The following HECW1 variants were observed in gnomAD, a reference collection of about 807,000 sequenced individuals.
The protein encoded by HECW1 is HECT, C2 and WW domain containing E3 ubiquitin protein ligase 1.
HECW1 carries 61 observed loss-of-function variants against 182.3 expected under a neutral mutation model. The ratio of observed to expected loss-of-function variants is 0.33; its 90% CI spans 0.27 to 0.41. HECW1 has a LOEUF of 0.41. Ranked by LOEUF, HECW1 falls within the 10% of genes least tolerant of loss-of-function variation. The probability of loss-of-function intolerance (pLI) is 1.00; values close to 1 mark genes in which losing one functional copy is unlikely to be tolerated. For missense variants in HECW1, 1,739 were observed against 2,108.9 expected, an observed-to-expected ratio of 0.82 and a Z score of 3.44; for synonymous variants, 859 against 832.6, an observed-to-expected ratio of 1.03 and a Z score of -0.55.
chr7:43,532,570 C>T (rs2081034888), intron 24 of HECW1, among the ~76,000 whole-genome samples: 1 of 152,160 alleles, frequency 6.6e-6, no homozygotes, highest in African/African-American at 2.4e-5. Flanking sequence ...GGAGTCCACC[C>T]CCACTGGCCT....
intron 16 of HECW1, among the ~76,000 whole-genome samples, 175 bp downstream of exon 16, chr7:43,469,280 C>A (rs1415769483): frequency 6.6e-6 from 1 of 152,186 alleles, no homozygotes. Flanking sequence ...AACCTCAGCA[C>A]TACTCTGAGG....
chr7:43,294,528 C>T (rs1267040330), intron 3 of HECW1, among the ~76,000 whole-genome samples: 1 of 152,222 alleles, frequency 6.6e-6, no homozygotes, highest in Non-Finnish European at 1.5e-5. Flanking sequence ...TCACTGGATG[C>T]AGTCAGAAAA....
At chr7:43,495,769 T>C (rs931370990) in intron 19 of HECW1, among the ~76,000 whole-genome samples, 25 of 152,230 alleles carry the variant, frequency 1.6e-4, no homozygotes, top group Non-Finnish European at 2.2e-4. Context: ...GGGTCATTCA[T>C]TCATGGGCTG....
intron 2 of HECW1, among the ~76,000 whole-genome samples, chr7:43,242,428 G>A (rs112940975): frequency 4.6e-4 from 70 of 152,290 alleles, no homozygotes; most frequent in African/African-American, 1.6e-3. Flanking sequence ...GAGGACTGGA[G>A]AAAGAAAGCT....
intron 12 of HECW1, among the ~76,000 whole-genome samples, chr7:43,453,112 G>T (rs2077288164): frequency 6.6e-6 from 1 of 152,204 alleles, no homozygotes; most frequent in Admixed American, 6.5e-5. Context: ...TTTCAGCAGA[G>T]AAGTGACATT....
intron 24 of HECW1, among the ~76,000 whole-genome samples, chr7:43,518,613 A>G (rs910287637): frequency 1.3e-5 from 2 of 152,242 alleles, no homozygotes. Flanking sequence ...ACTCAAGAAA[A>G]TCAGAGGTTG....
chr7:43,259,497 A>G (rs542770419), intron 3 of HECW1, among the ~76,000 whole-genome samples: 1 of 152,218 alleles, frequency 6.6e-6, no homozygotes, highest in Non-Finnish European at 1.5e-5. Context: ...GCAGGCCCAC[A>G]GATGGATCAG....
chr7:43,140,049 T>C (rs1182164464), intron 2 of HECW1, among the ~76,000 whole-genome samples: 1 of 152,258 alleles, frequency 6.6e-6, no homozygotes, highest in Non-Finnish European at 1.5e-5. Context: ...TGAATATTAT[T>C]ACATTTTAAG....
chr7:43,541,568 C>T (rs2152953672), intron 25 of HECW1, among the ~76,000 whole-genome samples: 1 of 152,210 alleles, frequency 6.6e-6, no homozygotes, highest in East Asian at 1.9e-4. Context: ...TTAAGTAGAA[C>T]TGATCTGTTT....
At chr7:43,167,529 A>G (rs1326567088) in intron 2 of HECW1, among the ~76,000 whole-genome samples, 1 of 152,212 alleles carries the variant, frequency 6.6e-6, no homozygotes, top group African/African-American at 2.4e-5. Context: ...GATGAGGTCT[A>G]GCAGGACATG....
chr7:43,413,014 C>G (rs1333335139), intron 8 of HECW1, among the ~76,000 whole-genome samples: 1 of 147,852 alleles, frequency 6.8e-6, no homozygotes, highest in Non-Finnish European at 1.5e-5. Flanking sequence ...ATCTAGATCC[C>G]TGAGGAATCG....
intron 8 of HECW1, among the ~76,000 whole-genome samples, chr7:43,431,212 C>T (rs2076539137): frequency 6.6e-6 from 1 of 152,198 alleles, no homozygotes. Context: ...TCTATTCCTG[C>T]ACTTATACCG....
At chr7:43,269,941 T>C (rs1259894127) in intron 3 of HECW1, among the ~76,000 whole-genome samples, 2 of 152,198 alleles carry the variant, frequency 1.3e-5, no homozygotes, top group Non-Finnish European at 2.9e-5. Flanking sequence ...TGGCTCAAAA[T>C]GTAAAACAAG....
intron 11 of HECW1, among the ~76,000 whole-genome samples, chr7:43,445,882 C>G (rs989571688): frequency 1.9e-4 from 29 of 152,100 alleles, no homozygotes; most frequent in African/African-American, 7.0e-4. Flanking sequence ...TACATGTTAT[C>G]CTAGTCTTAA....
chr7:43,193,908 C>A (rs148421708), intron 2 of HECW1, among the ~76,000 whole-genome samples: 2 of 152,166 alleles, frequency 1.3e-5, no homozygotes, highest in African/African-American at 2.4e-5. Flanking sequence ...GAATGCCCCC[C>A]ACAAGAGACA....
intron 24 of HECW1, among the ~76,000 whole-genome samples, chr7:43,520,865 A>G (rs1299084208): frequency 6.6e-6 from 1 of 152,066 alleles, no homozygotes; most frequent in East Asian, 1.9e-4. Flanking sequence ...CTCTCCTTCC[A>G]TCCCTCCCTG....
chr7:43,339,754 C>T (rs539147246), intron 5 of HECW1, among the ~76,000 whole-genome samples: 19 of 152,074 alleles, frequency 1.2e-4, no homozygotes, highest in Admixed American at 2.6e-4. Flanking sequence ...GGGAGCTCCG[C>T]GGGGTGCAGT....
At chr7:43,515,908 G>T (rs1458124424) in intron 24 of HECW1, among the ~76,000 whole-genome samples, 1 of 152,128 alleles carries the variant, frequency 6.6e-6, no homozygotes, top group Non-Finnish European at 1.5e-5. Flanking sequence ...AATTGTGAAA[G>T]GTCCAAATTT....
At chr7:43,431,023 G>A (rs1158344606) in intron 8 of HECW1, among the ~76,000 whole-genome samples, 1 of 151,992 alleles carries the variant, frequency 6.6e-6, no homozygotes, top group Non-Finnish European at 1.5e-5. Flanking sequence ...CATTCCTCCT[G>A]CCTCAGCCTC....
Sources: allele counts gnomAD v4.1 joint callset (sites outside exome capture counted in the v4.1 genomes callset), GRCh38; gene constraint gnomAD v4.1.1; transcripts MANE v1.5; gene names NCBI Gene and HGNC (gene_info 2026-07-23, HGNC 2026-07-21).